RAB11FIP3: variants seen among roughly 807,000 people sequenced by gnomAD.
The protein encoded by RAB11FIP3 is RAB11 family interacting protein 3.
RAB11FIP3 carries 17 observed loss-of-function variants against 77.8 expected under a neutral mutation model. The ratio of observed to expected loss-of-function variants is 0.22; its 90% CI spans 0.15 to 0.33. The LOEUF (loss-of-function observed/expected upper bound fraction) is 0.33, where lower values mean the gene tolerates loss of function less well. Ranked by LOEUF, RAB11FIP3 falls within the 10% of genes least tolerant of loss-of-function variation. The pLI is 1.00. For synonymous variants in RAB11FIP3, 437 were observed against 448.2 expected (o/e 0.98, Z 0.31); for missense variants, 1,005 against 1,011.2 (o/e 0.99, Z 0.08).
chr16:509,104 A>C (rs1009058485), intron 8 of RAB11FIP3, among the ~76,000 whole-genome samples: 1 of 152,144 alleles, frequency 6.6e-6, no homozygotes, highest in Non-Finnish European at 1.5e-5. Context: ...GGGTTTCACC[A>C]TATTGGTCAG....
At chr16:480,451 A>G (rs575246805) in intron 3 of RAB11FIP3, among the ~76,000 whole-genome samples, 3 of 152,058 alleles carry the variant, frequency 2.0e-5, no homozygotes, top group Non-Finnish European at 2.9e-5. Context: ...CAGCCTCCTG[A>G]GTAGTTGGGA....
chr16:492,415 C>G (rs1411313113), intron 5 of RAB11FIP3, among the ~76,000 whole-genome samples: 1 of 143,792 alleles, frequency 7.0e-6, no homozygotes, highest in Non-Finnish European at 1.6e-5. Context: ...CCGAGGCCGC[C>G]CAGGGCCCTC....
chr16:509,531 G>A (rs1248816563), intron 8 of RAB11FIP3, among the ~76,000 whole-genome samples: 1 of 152,256 alleles, frequency 6.6e-6, no homozygotes, highest in Non-Finnish European at 1.5e-5. Context: ...CTGTGTCAGT[G>A]GGCAGGGCCT....
At chr16:449,185 C>T (rs1321096323) in intron 1 of RAB11FIP3, among the ~76,000 whole-genome samples, 4 of 152,144 alleles carry the variant, frequency 2.6e-5, no homozygotes, top group Non-Finnish European at 5.9e-5. Flanking sequence ...AGGCACACAT[C>T]CTCCTCCAGG....
intron 6 of RAB11FIP3, among the ~76,000 whole-genome samples, chr16:501,804 A>C (rs1389359588): frequency 1.3e-5 from 2 of 149,050 alleles, no homozygotes; most frequent in Non-Finnish European, 3.0e-5. Flanking sequence ...GGAAGTTCAG[A>C]GAGGGTCCCC....
chr16:431,871 C>T (rs7187115), intron 1 of RAB11FIP3, among the ~76,000 whole-genome samples: 11,965 of 151,836 alleles, frequency 0.079, 526 homozygotes, highest in East Asian at 0.2. Flanking sequence ...ATTCTCCTGC[C>T]TCAGCCTCCT....
At chr16:443,543 C>T (rs2055260066) in intron 1 of RAB11FIP3, among the ~76,000 whole-genome samples, 1 of 152,240 alleles carries the variant, frequency 6.6e-6, no homozygotes, top group South Asian at 2.1e-4. Flanking sequence ...AGTACATCTG[C>T]TTCTGCAGCA....
At chr16:467,100 C>T (rs2055713874) in intron 2 of RAB11FIP3, among the ~76,000 whole-genome samples, 1 of 152,174 alleles carries the variant, frequency 6.6e-6, no homozygotes, top group Non-Finnish European at 1.5e-5. Flanking sequence ...CCCTTGGGAG[C>T]TGGCTTTCTA....
At chr16:448,591 C>T (rs1334646783) in intron 1 of RAB11FIP3, among the ~76,000 whole-genome samples, 3 of 151,894 alleles carry the variant, frequency 2.0e-5, no homozygotes, top group Non-Finnish European at 2.9e-5. Context: ...AAAATATTAG[C>T]CGGGCATGGT....
intron 12 of RAB11FIP3, 42 bp downstream of exon 12, chr16:520,319 G>T: frequency 6.4e-7 from 1 of 1,552,448 alleles, no homozygotes; most frequent in Non-Finnish European, 8.7e-7. Flanking sequence ...TCCTGCAGAA[G>T]CTTCCACAAG....
intron 5 of RAB11FIP3, among the ~76,000 whole-genome samples, chr16:492,055 G>A (rs2030256713): frequency 6.6e-6 from 1 of 152,214 alleles, no homozygotes; most frequent in African/African-American, 2.4e-5. Flanking sequence ...AGAGGTATCT[G>A]TGAAACTGCT....
intron 1 of RAB11FIP3, among the ~76,000 whole-genome samples, chr16:434,842 T>G (rs1011771909): frequency 1.0e-3 from 159 of 152,142 alleles, no homozygotes; most frequent in African/African-American, 3.6e-3. Flanking sequence ...GGTGGGCAGA[T>G]CACTTGATGT....
intron 4 of RAB11FIP3, among the ~76,000 whole-genome samples, chr16:485,350 G>A (rs577522274): frequency 6.6e-6 from 1 of 152,192 alleles, no homozygotes; most frequent in South Asian, 2.1e-4. Context: ...ATGGGGTGTG[G>A]GTATCACAGA....
intron 1 of RAB11FIP3, among the ~76,000 whole-genome samples, chr16:448,329 C>T (rs576260309): frequency 1.1e-4 from 16 of 151,232 alleles, no homozygotes; most frequent in East Asian, 3.9e-4. Flanking sequence ...AATAGCCGGG[C>T]GCAGTGGCTC....
chr16:462,989 G>C (rs2055642041), intron 2 of RAB11FIP3, among the ~76,000 whole-genome samples: 1 of 152,202 alleles, frequency 6.6e-6, no homozygotes, highest in African/African-American at 2.4e-5. Context: ...GCACGTTTGT[G>C]TACAACTCTT....
At position 461,319 on chromosome 16, in the gene RAB11FIP3, C is replaced by A; in HGVS notation, c.715-85C>A. 1.9e-6 allele frequency: 2 copies of A among 1,054,982 alleles called. No individual in the cohort carries two copies. The highest frequency in any genetic ancestry group is 2.9e-5 in the South Asian group (2 of 68,054). 65.4% of individuals were successfully genotyped at this position (1,054,982 alleles called of 1,614,324 possible). ...TTCCCCGTTCCCAGCAGGCCACACA[C>A]CAGATCTCTCCCAGTCCGAGGTCCA... On this transcript the variant is annotated intron_variant, in intron 1 of 13. Coordinates refer to ENST00000262305, the MANE Select transcript of RAB11FIP3 (RefSeq NM_014700.4). This position sits in a 1 kb window ranked among gnomAD's most constrained non-coding sequence, Gnocchi z 4.5.
chr16:519,698 C>T (rs1596305017), intron 10 of RAB11FIP3, 56 bp from the exon 11 acceptor site: 2 of 1,584,254 alleles, frequency 1.3e-6, no homozygotes, highest in Non-Finnish European at 1.7e-6. Context: ...CCGGGGCAAG[C>T]TGCATGCACA....
intron 4 of RAB11FIP3, among the ~76,000 whole-genome samples, chr16:485,806 A>C (rs2056142872): frequency 6.6e-6 from 1 of 152,220 alleles, no homozygotes; most frequent in Non-Finnish European, 1.5e-5. Context: ...ATCTTTGCTT[A>C]CTACACAGTC....
intron 6 of RAB11FIP3, among the ~76,000 whole-genome samples, chr16:501,361 A>C (rs9328926): frequency 0.049 from 7,090 of 144,614 alleles, 232 homozygotes; most frequent in African/African-American, 0.1. Context: ...GGGTCCCCCC[A>C]TTTCATAGGC....
Sources: gnomAD v4.1 joint callset for allele counts (sites outside exome capture counted in the v4.1 genomes callset) on GRCh38, gnomAD v4.1.1 for gene constraint, Gnocchi (gnomAD v3.1) non-coding constraint, MANE v1.5 for transcripts, NCBI Gene and HGNC (gene_info 2026-07-23, HGNC 2026-07-21) for gene names.